Variants in RASSF8 observed in about 807,000 individuals in gnomAD.
The protein encoded by RASSF8 is ras association domain-containing protein 8.
In RASSF8, 22 loss-of-function variants were observed where a neutral mutation model predicts 48.5. That is an observed-to-expected ratio of 0.45 (90% CI 0.32 to 0.65). The LOEUF (loss-of-function observed/expected upper bound fraction) is 0.65, where lower values mean the gene tolerates loss of function less well. Among genes scored for constraint, RASSF8 ranks in the 30% least tolerant of loss-of-function variants. The pLI, the probability that RASSF8 is intolerant of heterozygous loss-of-function variation, is 0.03. For synonymous variants in RASSF8, 127 were observed against 171.5 expected (o/e 0.74, Z 2.03); for missense variants, 418 against 489.2 (o/e 0.85, Z 1.37).
intron 3 of RASSF8, among the ~76,000 whole-genome samples, chr12:26,061,945 C>T (rs538204555): frequency 6.6e-6 from 1 of 152,118 alleles, no homozygotes; most frequent in South Asian, 2.1e-4. Context: ...AAATAACCTT[C>T]CAAGACATTC....
intron 3 of RASSF8, among the ~76,000 whole-genome samples, chr12:26,058,308 G>A (rs1288507868): frequency 6.6e-6 from 1 of 152,174 alleles, no homozygotes; most frequent in Non-Finnish European, 1.5e-5. Flanking sequence ...TGATTTCTGT[G>A]GTGAGAGTTT....
At chr12:26,023,366 G>A (rs1942831178) in intron 2 of RASSF8, among the ~76,000 whole-genome samples, 1 of 152,056 alleles carries the variant, frequency 6.6e-6, no homozygotes, top group Non-Finnish European at 1.5e-5. Flanking sequence ...GAAAGATAAA[G>A]AGAAAATCTT....
intron 1 of RASSF8, among the ~76,000 whole-genome samples, chr12:25,989,841 C>T (rs1941973349): frequency 1.3e-5 from 2 of 152,014 alleles, no homozygotes; most frequent in Non-Finnish European, 1.5e-5. Context: ...CTAAGAGCAG[C>T]ATGGGATAGG....
intron 2 of RASSF8, among the ~76,000 whole-genome samples, chr12:26,038,026 G>A (rs1328585509): frequency 6.6e-6 from 1 of 152,162 alleles, no homozygotes; most frequent in Non-Finnish European, 1.5e-5. Context: ...CTCCTCTTTG[G>A]TGTGTTGTCT....
intron 2 of RASSF8, among the ~76,000 whole-genome samples, chr12:26,030,061 AAGAT>A (rs1942996256): frequency 6.6e-6 from 1 of 152,198 alleles, no homozygotes; most frequent in South Asian, 2.1e-4. Flanking sequence ...ATGTGGCAAA[AAGAT>A]AAAGTATCTT....
At chr12:25,972,459 A>G (rs1207601239) in intron 1 of RASSF8, among the ~76,000 whole-genome samples, 2 of 152,320 alleles carry the variant, frequency 1.3e-5, no homozygotes, top group Admixed American at 6.5e-5. Context: ...CAGTATTTAT[A>G]GTAATAAACA....
At chr12:25,992,161 T>C (rs538087027) in intron 1 of RASSF8, among the ~76,000 whole-genome samples, 1 of 152,358 alleles carries the variant, frequency 6.6e-6, no homozygotes, top group East Asian at 1.9e-4. Context: ...GCTGCCATTC[T>C]GTAAAACCCT....
chr12:26,072,424 T>A lies in RASSF8; in HGVS notation c.*3606T>A. 1.0e-6 allele frequency: 1 copy of A among 977,642 alleles called. No individual in the cohort carries two copies. Among genetic ancestry groups the A allele is most frequent in the Non-Finnish European group, 1.2e-6 (1 of 822,882 alleles). 60.6% of individuals were successfully genotyped at this position (977,642 alleles called of 1,614,324 possible). A position where few individuals can be genotyped will look rare whatever the true frequency, so the allele number is the denominator to read the frequency against. The stretch of plus-strand genomic sequence containing the variant: ...TGAAAGCTGCAGGAGCTCTTTTCAA[T>A]GCATTTTATATATTTTTAGAAACCA... On this transcript the variant is annotated 3_prime_UTR_variant, in exon 6 of 6. Transcript: ENST00000689635.
At chr12:26,000,725 A>G (rs538863006) in intron 2 of RASSF8, among the ~76,000 whole-genome samples, 30 of 152,286 alleles carry the variant, frequency 2.0e-4, no homozygotes, top group African/African-American at 3.1e-4. Flanking sequence ...ACGGTAGGCA[A>G]TTGTAATACA....
rs1943578781 is a variant in RASSF8, at chr12:26,055,361, G to T, written c.18G>T (p.Trp6Cys). 3 of 1,613,928 alleles carry T rather than the reference G, an allele frequency of 1.9e-6. No individual in the cohort carries two copies. The change falls in exon 3 of 6, where the codon TGG becomes TGT. Residue 6 changes from tryptophan (W) to cysteine (C), a missense_variant. Trp to Cys is a radical substitution (Grantham distance 215, BLOSUM62 -2). Transcript: ENST00000689635. ...GGTGCACCATGGAACTTAAAGTATG[G>T]GTGGATGGAGTTCAGAGGATTGTTT... The part of the protein sequence containing the change: MELKV[W>C]VDGVQRIVCG...
intron 1 of RASSF8, among the ~76,000 whole-genome samples, chr12:25,991,190 T>A (rs1942005522): frequency 6.6e-6 from 1 of 152,028 alleles, no homozygotes; most frequent in Non-Finnish European, 1.5e-5. Context: ...ATTCTTCTGT[T>A]GTTTAAAAAA....
rs1296006515 is a variant in RASSF8, at chr12:25,958,813, C to G, written c.-538C>G. On this transcript the variant is annotated 5_prime_UTR_variant, in exon 1 of 6. Coordinates refer to ENST00000689635, the MANE Select transcript of RASSF8 (RefSeq NM_001394098.1). ...CGCCCAGCTCCTCGCCCAGCCTCGC[C>G]GAGCCTCGCCCTTCCCGCCCGCGGC... 6.8e-6 allele frequency: 1 copy of G among 147,282 alleles called. No individual in the cohort carries two copies. Among genetic ancestry groups the G allele is most frequent in the Non-Finnish European group, 1.5e-5 (1 of 66,174 alleles). 9.1% of individuals were successfully genotyped at this position (147,282 alleles called of 1,614,324 possible).
rs574491438 is a variant in RASSF8 at position 25,964,942 on chromosome 12, ATTAAT to A, written c.-203+5798_-203+5802del. 2.9e-3 allele frequency among the ~76,000 whole-genome samples: 447 copies of A among 151,990 alleles called. 3 individuals carry two copies. Among genetic ancestry groups the A allele is most frequent in the African/African-American group, 0.01 (434 of 41,428 alleles). ...TTTTTTAAACAGCTTTATTTAATTA[ATTAAT>A]TTATATATTTTTTGAGACGGAGTCT... On this transcript the variant is annotated intron_variant, in intron 1 of 5. Coordinates refer to ENST00000689635, the MANE Select transcript of RASSF8 (RefSeq NM_001394098.1).
chr12:26,070,396 A>G lies in RASSF8; in HGVS notation c.*1578A>G. ...CTGTATAGAAGCTTCTAGAGAACTG[A>G]AAGTCATAATGCAGAGTTGCCTTTT... On this transcript the variant is annotated 3_prime_UTR_variant, in exon 6 of 6. Coordinates refer to ENST00000689635, the MANE Select transcript of RASSF8 (RefSeq NM_001394098.1). 1.0e-6 allele frequency: 1 copy of G among 985,372 alleles called. No individual in the cohort carries two copies. The highest frequency in any genetic ancestry group is 1.2e-6 in the Non-Finnish European group (1 of 829,868). The allele number at this position is 985,372 out of a possible 1,614,324, so 61.0% of individuals were successfully genotyped here.
intron 2 of RASSF8, among the ~76,000 whole-genome samples, chr12:26,000,271 A>G (rs1422974295): frequency 3.3e-5 from 5 of 152,328 alleles, no homozygotes; most frequent in South Asian, 4.1e-4. Context: ...GTAAAAATGT[A>G]GTAATACATA....
In RASSF8 at chr12:26,016,503, A is replaced by G. The variant is rs568823434; in HGVS notation, c.-109+21373A>G. Among the ~76,000 whole-genome samples the G allele has an allele frequency of 2.6e-5, 4 of 152,322 alleles. No individual in the cohort carries two copies. In the South Asian group the frequency reaches 8.3e-4, roughly 32 times the overall value. On this transcript the variant is annotated intron_variant, in intron 2 of 5. Coordinates refer to ENST00000689635, the MANE Select transcript of RASSF8 (RefSeq NM_001394098.1). ...GTTCACAATTTGGAACCTGGGGTAC[A>G]GGAAGGGGAGTGATCTTTTTGTTGA...
intron 3 of RASSF8, among the ~76,000 whole-genome samples, chr12:26,062,930 C>T (rs1228204647): frequency 6.6e-6 from 1 of 152,086 alleles, no homozygotes; most frequent in Non-Finnish European, 1.5e-5. Context: ...GCCTCCAAAA[C>T]CCCAACTTCC....
At chr12:26,009,496 A>G (rs2729662) in intron 2 of RASSF8, among the ~76,000 whole-genome samples, 136,968 of 152,206 alleles carry the variant, frequency 0.9, 61,741 homozygotes, top group East Asian at 0.99. Flanking sequence ...CCCACATAAC[A>G]ACTTCCAAAT....
At chr12:25,997,159 T>A (rs1179705640) in intron 2 of RASSF8, among the ~76,000 whole-genome samples, 1 of 152,178 alleles carries the variant, frequency 6.6e-6, no homozygotes, top group Non-Finnish European at 1.5e-5. Context: ...AAAGCCCATA[T>A]TTTGTGTAAA....
Sources: gnomAD v4.1 joint callset for allele counts (sites outside exome capture counted in the v4.1 genomes callset) on GRCh38, gnomAD v4.1.1 for gene constraint, MANE v1.5 for transcripts, NCBI Gene and HGNC (gene_info 2026-07-23, HGNC 2026-07-21) for gene names.